The following CKMT2 variants were observed in gnomAD, a reference collection of about 807,000 sequenced individuals.
The protein encoded by CKMT2 is creatine kinase, mitochondrial 2.
Under a neutral mutation model 48.9 loss-of-function variants are expected in CKMT2, and 43 were observed. The ratio of observed to expected loss-of-function variants is 0.88; its 90% CI spans 0.69 to 1.13. CKMT2 has a LOEUF of 1.13. Ranked by LOEUF, CKMT2 falls within the 50% of genes most tolerant of loss-of-function variation. The pLI is 0.00. For missense variants in CKMT2, 472 were observed against 555.4 expected (o/e 0.85, Z 1.51); for synonymous variants, 206 against 213.0 (o/e 0.97, Z 0.29).
chr5:81,234,949 A>C (rs868467280), intron 1 of CKMT2, among the ~76,000 whole-genome samples: 16 of 152,190 alleles, frequency 1.1e-4, no homozygotes, highest in Non-Finnish European at 1.5e-5. Flanking sequence ...CCAGGAATCC[A>C]GCAGCAACCC....
At chr5:81,240,635 TA>T (rs1244267256) in intron 1 of CKMT2, among the ~76,000 whole-genome samples, 9 of 152,178 alleles carry the variant, frequency 5.9e-5, no homozygotes, top group Non-Finnish European at 4.4e-5. Context: ...GATCTTTATT[TA>T]AATGAGTGCC....
chr5:81,247,170 C>G (rs1044521437), intron 1 of CKMT2, among the ~76,000 whole-genome samples: 4 of 152,180 alleles, frequency 2.6e-5, no homozygotes, highest in African/African-American at 9.7e-5. Context: ...CTGAACAGAA[C>G]AGTTCAGTAC....
chr5:81,261,128 T>G (rs756017131), intron 8 of CKMT2, among the ~76,000 whole-genome samples: 2 of 152,156 alleles, frequency 1.3e-5, no homozygotes, highest in South Asian at 4.1e-4. Context: ...CATGATTATC[T>G]CAATAGATGC....
At chr5:81,251,338 T>C in intron 2 of CKMT2, 54 bp downstream of exon 2, 1 of 1,585,866 alleles carries the variant, frequency 6.3e-7, no homozygotes, top group Non-Finnish European at 8.6e-7. Context: ...GGCTCATGCA[T>C]GTAATCCCAG....
chr5:81,249,862 T>A (rs1756743927), intron 1 of CKMT2, among the ~76,000 whole-genome samples: 1 of 152,230 alleles, frequency 6.6e-6, no homozygotes, highest in Non-Finnish European at 1.5e-5. Context: ...AGCTCGTTTG[T>A]CATTTCTTTG....
At chr5:81,235,417 T>C (rs1441635345) in intron 1 of CKMT2, among the ~76,000 whole-genome samples, 1 of 152,182 alleles carries the variant, frequency 6.6e-6, no homozygotes, top group African/African-American at 2.4e-5. Flanking sequence ...AAGGACATCC[T>C]CTGTTTTGGG....
At chr5:81,258,120 G>C (rs79745782) in intron 7 of CKMT2, among the ~76,000 whole-genome samples, 2,697 of 152,118 alleles carry the variant, frequency 0.018, 39 homozygotes, top group Admixed American at 0.019. Context: ...GACTAGCCTC[G>C]AACTCCTGAC....
chr5:81,243,890 G>A (rs1042007503), intron 1 of CKMT2, among the ~76,000 whole-genome samples: 8 of 152,122 alleles, frequency 5.3e-5, no homozygotes, highest in South Asian at 4.2e-4. Context: ...ACAGGGTTTC[G>A]CCATGTTGGC....
chr5:81,266,287 C>T lies in CKMT2; in HGVS notation c.*29C>T. The T allele has an allele frequency of 6.2e-7, 1 of 1,609,330 alleles. No homozygotes were observed. Among genetic ancestry groups the T allele is most frequent in the Non-Finnish European group, 8.5e-7 (1 of 1,176,498 alleles). ...TTCCCTTTCCCAATTTATAAATAAT[C>T]TGTCTGCTGGTACGACAGACATAAA... is the stretch of plus-strand genomic sequence containing the variant. On this transcript the variant is annotated 3_prime_UTR_variant, in exon 10 of 10. Transcript: ENST00000254035.
In CKMT2 at chr5:81,257,910, G is replaced by A; in HGVS notation, c.879+54G>A. Reference sequence around the variant, plus strand: ...TTTATTAAAATAAAATTACCGTATTGTTTGTTCTTGAAAGAAGACACTATG... The same window carrying A: ...TTTATTAAAATAAAATTACCGTATTATTTGTTCTTGAAAGAAGACACTATG... On this transcript the variant is annotated intron_variant, in intron 7 of 9. Transcript: ENST00000254035. The A allele has an allele frequency of 1.9e-6, 3 of 1,539,822 alleles. No homozygotes were observed. The East Asian group carries it at 7.1e-5, about 37-fold the overall frequency.
chr5:81,244,253 T>G, intron 1 of CKMT2: 6 of 908,650 alleles, frequency 6.6e-6, no homozygotes, highest in South Asian at 5.1e-5. Context: ...AATCGCAAGA[T>G]ATAATTGCCT....
chr5:81,240,968 A>G (rs1756414202), intron 1 of CKMT2, among the ~76,000 whole-genome samples: 1 of 152,102 alleles, frequency 6.6e-6, no homozygotes, highest in South Asian at 2.1e-4. Flanking sequence ...GAGGTAAATG[A>G]CCTCTAAAGC....
intron 8 of CKMT2, among the ~76,000 whole-genome samples, chr5:81,259,979 C>T (rs544571535): frequency 5.3e-5 from 8 of 152,216 alleles, no homozygotes; most frequent in Admixed American, 3.3e-4. Flanking sequence ...GGAAGTAAAA[C>T]ACTCCTCAGC....
intron 1 of CKMT2, among the ~76,000 whole-genome samples, chr5:81,249,618 A>G (rs1409172391): frequency 6.6e-6 from 1 of 151,158 alleles, no homozygotes; most frequent in Non-Finnish European, 1.5e-5. Context: ...AAATAAATAT[A>G]TAAATACTTA....
chr5:81,252,606 T>C (rs1310598509), intron 2 of CKMT2, 89 bp from the exon 3 acceptor site: 1 of 1,336,828 alleles, frequency 7.5e-7, no homozygotes, highest in African/African-American at 1.4e-5. Flanking sequence ...GAAGGGAGCC[T>C]AGTGGAAGGA....
At chr5:81,263,405 C>G in intron 8 of CKMT2, 86 bp from the exon 9 acceptor site, 1 of 788,276 alleles carries the variant, frequency 1.3e-6, no homozygotes, top group Admixed American at 3.0e-5. Context: ...TTATCTCTCA[C>G]TATATGTCTT....
intron 4 of CKMT2, 159 bp downstream of exon 4, chr5:81,254,650 G>C (rs1215171516): frequency 1.6e-6 from 1 of 633,608 alleles, no homozygotes; most frequent in African/African-American, 1.8e-5. Context: ...CACAGAGAAG[G>C]TTAGGAGGGT....
Position 81,259,127 on chromosome 5 carries a change from G to GGT in CKMT2, c.888_889dup (p.Leu297CysfsTer2). 6.2e-7 allele frequency: 1 copy of GGT among 1,612,832 alleles called. No homozygotes were observed. The highest frequency in any genetic ancestry group is 8.5e-7 in the Non-Finnish European group (1 of 1,179,400). ...CTGTGGTTCTACTTGTAGGTAGAAC[G>GGT]GTTAATCCAAGAACGAGGCTGGGAG... On this transcript the variant is annotated frameshift_variant, in exon 8 of 10. Transcript: ENST00000254035. LOFTEE classifies it high-confidence loss of function.
chr5:81,257,030 T>TATC, intron 6 of CKMT2, 30 bp downstream of exon 6: 1 of 1,572,092 alleles, frequency 6.4e-7, no homozygotes, highest in Non-Finnish European at 8.7e-7. Flanking sequence ...ACATTTGCAA[T>TATC]ATCTGTAGAG....
Sources: allele counts gnomAD v4.1 joint callset (sites outside exome capture counted in the v4.1 genomes callset), GRCh38; gene constraint gnomAD v4.1.1; transcripts MANE v1.5; gene names NCBI Gene and HGNC (gene_info 2026-07-23, HGNC 2026-07-21).